MSRA: variants seen among roughly 807,000 people sequenced by gnomAD.
MSRA encodes mitochondrial peptide methionine sulfoxide reductase.
A neutral mutation model predicts 31.3 loss-of-function variants in MSRA; 54 were observed. The ratio of observed to expected loss-of-function variants is 1.73; its 90% confidence interval spans 1.39 to 2.17. MSRA has a LOEUF of 2.17. Among genes scored for constraint, MSRA ranks in the 30% most tolerant of loss-of-function variants. The pLI, the probability that MSRA is intolerant of heterozygous loss-of-function variation, is 0.00. For missense variants in MSRA, 507 were observed against 300.9 expected (o/e 1.69, Z -5.07); for synonymous variants, 169 against 116.5 (o/e 1.45, Z -2.90).
chr8:10,382,520 C>T (rs1391371135), intron 5 of MSRA, among the ~76,000 whole-genome samples: 1 of 152,174 alleles, frequency 6.6e-6, no homozygotes, highest in Non-Finnish European at 1.5e-5. Flanking sequence ...TGTCCAGAGG[C>T]TGTCATTCTA....
intron 1 of MSRA, among the ~76,000 whole-genome samples, chr8:10,061,727 C>T (rs1472789857): frequency 6.6e-6 from 1 of 152,184 alleles, no homozygotes. Context: ...GAGAAGTTAA[C>T]AGAGCTGCCC....
In MSRA at chr8:10,414,200, C is replaced by T. The variant is rs144459744; in HGVS notation, c.544-13948C>T. Among the ~76,000 whole-genome samples, 392 of 152,120 alleles carry T rather than the reference C, an allele frequency of 2.6e-3. 3 individuals are homozygous for T. Among genetic ancestry groups the T allele is most frequent in the African/African-American group, 9.2e-3 (381 of 41,494 alleles). On this transcript the variant is annotated intron_variant, in intron 5 of 5. Transcript: ENST00000317173. ...AAAAAAACGAATTTTATGTGAACTA[C>T]CTCTCAATATAAAATGATTATCTGG...
intron 3 of MSRA, among the ~76,000 whole-genome samples, chr8:10,280,096 G>T (rs987059251): frequency 6.6e-6 from 1 of 152,098 alleles, no homozygotes; most frequent in African/African-American, 2.4e-5. Flanking sequence ...AATTTTTGAC[G>T]TGAAGTTTTT....
chr8:10,356,271 G>C (rs548131727), intron 5 of MSRA, among the ~76,000 whole-genome samples: 45 of 152,276 alleles, frequency 3.0e-4, no homozygotes, highest in Middle Eastern at 6.8e-3. Context: ...CTTGAAAAAA[G>C]TTTGTTTTCT....
chr8:10,370,700 C>T (rs1018251453), intron 5 of MSRA, among the ~76,000 whole-genome samples: 28 of 152,312 alleles, frequency 1.8e-4, no homozygotes, highest in African/African-American at 5.8e-4. Flanking sequence ...GGCCACGTTA[C>T]ATACCTGGAA....
intron 1 of MSRA, among the ~76,000 whole-genome samples, chr8:10,061,547 C>A (rs1328948424): frequency 2.6e-5 from 4 of 152,128 alleles, no homozygotes; most frequent in Non-Finnish European, 5.9e-5. Flanking sequence ...TGTCTCATCT[C>A]CCCACGTAGT....
At chr8:10,296,386 G>T (rs1800544180) in intron 3 of MSRA, among the ~76,000 whole-genome samples, 1 of 152,196 alleles carries the variant, frequency 6.6e-6, no homozygotes, top group Non-Finnish European at 1.5e-5. Flanking sequence ...TGTGTATGGA[G>T]AGCCTTACGC....
chr8:10,233,043 A>G (rs1365378371), intron 2 of MSRA, among the ~76,000 whole-genome samples: 1 of 152,208 alleles, frequency 6.6e-6, no homozygotes. Context: ...CATTGTGTCT[A>G]TGACTTCCAA....
intron 1 of MSRA, among the ~76,000 whole-genome samples, chr8:10,101,547 C>A (rs1367839273): frequency 2.0e-5 from 3 of 152,136 alleles, no homozygotes; most frequent in Non-Finnish European, 4.4e-5. Context: ...TTCCCCAAAC[C>A]CCGCAACAGA....
intron 5 of MSRA, among the ~76,000 whole-genome samples, chr8:10,382,734 A>T (rs1806148369): frequency 6.6e-6 from 1 of 152,318 alleles, no homozygotes; most frequent in African/African-American, 2.4e-5. Context: ...CAGGGGCAAG[A>T]ATGGCATTTC....
At chr8:10,185,059 C>G (rs1255309744) in intron 1 of MSRA, among the ~76,000 whole-genome samples, 1 of 152,174 alleles carries the variant, frequency 6.6e-6, no homozygotes, top group Non-Finnish European at 1.5e-5. Flanking sequence ...TTTTGGTAAA[C>G]ATTCCCAACA....
intron 1 of MSRA, among the ~76,000 whole-genome samples, chr8:10,100,851 C>T (rs970139558): frequency 6.6e-6 from 1 of 152,150 alleles, no homozygotes; most frequent in African/African-American, 2.4e-5. Flanking sequence ...CTCAGTCTTA[C>T]ACAATTAGAA....
chr8:10,250,633 T>G, intron 3 of MSRA: 1 of 609,874 alleles, frequency 1.6e-6, no homozygotes, highest in Non-Finnish European at 2.9e-6. Context: ...AGCAGAGGTT[T>G]CGAGCAGGAG....
intron 5 of MSRA, among the ~76,000 whole-genome samples, chr8:10,386,886 A>C (rs1257387519): frequency 5.9e-5 from 9 of 152,076 alleles, no homozygotes; most frequent in East Asian, 3.9e-4. Flanking sequence ...AAAAAAAAAA[A>C]AAAAAACAGT....
chr8:10,355,153 A>G (rs1804434485), intron 5 of MSRA, among the ~76,000 whole-genome samples: 1 of 152,120 alleles, frequency 6.6e-6, no homozygotes, highest in South Asian at 2.1e-4. Context: ...TCAGCCTACA[A>G]CACTACGATG....
intron 3 of MSRA, among the ~76,000 whole-genome samples, chr8:10,283,818 TATATATATATATATATATACACACACAC>T (rs1563307595): frequency 1.5e-5 from 1 of 67,818 alleles, no homozygotes; most frequent in East Asian, 5.2e-4. Flanking sequence ...TATATATATA[TATATATATATATATATATACACACACAC>T]ACACACACAC....
intron 3 of MSRA, among the ~76,000 whole-genome samples, chr8:10,253,115 C>G (rs1798003344): frequency 6.6e-6 from 1 of 152,126 alleles, no homozygotes; most frequent in Non-Finnish European, 1.5e-5. Context: ...TGGCAAGCAG[C>G]AAAACATAGG....
chr8:10,331,447 A>G (rs1802694674), intron 5 of MSRA, among the ~76,000 whole-genome samples: 2 of 152,132 alleles, frequency 1.3e-5, no homozygotes, highest in African/African-American at 4.8e-5. Flanking sequence ...TTGCTGGGTA[A>G]ACTTCACAGT....
intron 3 of MSRA, among the ~76,000 whole-genome samples, chr8:10,278,110 T>G (rs1363549417): frequency 1.3e-5 from 2 of 152,190 alleles, no homozygotes; most frequent in African/African-American, 4.8e-5. Context: ...ATTTATTTAT[T>G]CTACAGATAT....
Sources: allele counts gnomAD v4.1 joint callset (sites outside exome capture counted in the v4.1 genomes callset), GRCh38; gene constraint gnomAD v4.1.1; transcripts MANE v1.5; gene names NCBI Gene and HGNC (gene_info 2026-07-23, HGNC 2026-07-21).